The following MYO6 variants were observed in gnomAD, a reference collection of about 807,000 sequenced individuals.
MYO6 encodes myosin VI, also known as unconventional myosin-VI.
MYO6 carries 74 observed loss-of-function variants against 178.7 expected under a neutral mutation model. That is an observed-to-expected ratio of 0.41 (90% CI 0.34 to 0.50). MYO6 has a LOEUF of 0.50. Ranked by LOEUF, MYO6 falls within the 20% of genes least tolerant of loss-of-function variation. The pLI is 0.09. For missense variants in MYO6, 1,330 were observed against 1,547.4 expected (o/e 0.86, Z 2.36); for synonymous variants, 477 against 504.6 (o/e 0.95, Z 0.73).
intron 16 of MYO6, among the ~76,000 whole-genome samples, chr6:75,865,713 C>T (rs2149308333): frequency 7.1e-6 from 1 of 141,618 alleles, no homozygotes; most frequent in South Asian, 2.3e-4. Context: ...CAGATGTGAT[C>T]TTGTAAGTGA....
intron 1 of MYO6, among the ~76,000 whole-genome samples, chr6:75,810,077 C>CTTT (rs1770540610): frequency 1.6e-5 from 2 of 121,338 alleles, no homozygotes; most frequent in Admixed American, 8.3e-5. Flanking sequence ...AAGTGAGACT[C>CTTT]TGTCTCAAAA....
intron 1 of MYO6, among the ~76,000 whole-genome samples, chr6:75,787,703 TCTCTC>T (rs1767742325): frequency 1.4e-5 from 1 of 69,922 alleles, no homozygotes; most frequent in Non-Finnish European, 3.0e-5. Context: ...TCTCTCTCTC[TCTCTC>T]TCTCTCTCTC....
chr6:75,859,714 C>A (rs1776034591), intron 14 of MYO6, among the ~76,000 whole-genome samples: 1 of 146,006 alleles, frequency 6.8e-6, no homozygotes, highest in Non-Finnish European at 1.5e-5. Context: ...GGCTGGAATG[C>A]AGTGGCGCGA....
At chr6:75,828,383 A>G (rs1461266967) in intron 3 of MYO6, among the ~76,000 whole-genome samples, 157 bp from the exon 4 acceptor site, 2 of 152,172 alleles carry the variant, frequency 1.3e-5, no homozygotes. Flanking sequence ...ATCAGCTTCT[A>G]GGGTTTACAT....
chr6:75,860,291 A>G (rs891378786), intron 14 of MYO6, among the ~76,000 whole-genome samples: 1 of 152,224 alleles, frequency 6.6e-6, no homozygotes, highest in African/African-American at 2.4e-5. Flanking sequence ...ATTCTGGCAT[A>G]AACAAACAGG....
At chr6:75,806,457 A>G (rs1013367324) in intron 1 of MYO6, among the ~76,000 whole-genome samples, 6 of 152,022 alleles carry the variant, frequency 3.9e-5, no homozygotes, top group African/African-American at 1.5e-4. Flanking sequence ...GAAGTACATC[A>G]TTATCACATA....
rs569781019 is a variant in MYO6, at chr6:75,857,498, T to A, written c.1381+244T>A. The stretch of plus-strand genomic sequence containing the variant: ...AAATTAAAACATTGATTGAAACTGC[T>A]AGAGTTAAGGATATCTCTATACTCT... On this transcript the variant is annotated intron_variant, in intron 13 of 34. Transcript: ENST00000369977. Among the ~76,000 whole-genome samples, 4 of 152,356 alleles carry A rather than the reference T, an allele frequency of 2.6e-5. No homozygotes were observed. The East Asian group carries it at 7.7e-4, about 29-fold the overall frequency.
intron 9 of MYO6, 91 bp downstream of exon 9, chr6:75,841,469 G>A: frequency 7.8e-7 from 1 of 1,283,438 alleles, no homozygotes. Flanking sequence ...CGGATGGATT[G>A]CTTGAGCCTG....
chr6:75,850,933 A>G (rs1398060051), intron 11 of MYO6, among the ~76,000 whole-genome samples: 1 of 152,192 alleles, frequency 6.6e-6, no homozygotes, highest in Non-Finnish European at 1.5e-5. Context: ...ATATGTTCTT[A>G]ATGTGCATTA....
At chr6:75,786,201 C>T (rs754782016) in intron 1 of MYO6, among the ~76,000 whole-genome samples, 1 of 152,126 alleles carries the variant, frequency 6.6e-6, no homozygotes, top group Non-Finnish European at 1.5e-5. Flanking sequence ...GCTGGGATTA[C>T]AAGTGTGAAC....
rs2295937 is a variant in MYO6, at chr6:75,887,014, A to C, written c.2658+20A>C. On this transcript the variant is annotated intron_variant, in intron 25 of 34. Transcript: ENST00000369977. ...ATTAAGGTATGTAATTTCAACCCGA[A>C]TGACTTTGACTTTTTATGTAATTTA... 16,382 of 1,600,182 alleles carry C rather than the reference A, an allele frequency of 0.01. 757 individuals are homozygous for C. In the East Asian group the frequency reaches 0.15, roughly 15 times the overall value.
At chr6:75,835,876 A>C in intron 6 of MYO6, 25 bp from the exon 7 acceptor site, 1 of 1,419,324 alleles carries the variant, frequency 7.0e-7, no homozygotes, top group Non-Finnish European at 1.0e-6. Flanking sequence ...TGTCATCAAC[A>C]TTTTTTATCC....
intron 2 of MYO6, 75 bp from the exon 3 acceptor site, chr6:75,822,707 C>A: frequency 8.9e-7 from 1 of 1,128,442 alleles, no homozygotes; most frequent in Non-Finnish European, 1.4e-6. Flanking sequence ...ACAGTGTATG[C>A]AACCAATTAA....
At chr6:75,756,878 ATGTGTGT>A (rs750061792) in intron 1 of MYO6, among the ~76,000 whole-genome samples, 34 of 117,912 alleles carry the variant, frequency 2.9e-4, no homozygotes, top group Non-Finnish European at 5.8e-4. Flanking sequence ...AAGAGTACTT[ATGTGTGT>A]TGTGTGTGTA....
intron 1 of MYO6, among the ~76,000 whole-genome samples, chr6:75,802,661 T>A (rs982976449): frequency 2.6e-5 from 4 of 151,814 alleles, no homozygotes; most frequent in African/African-American, 9.7e-5. Flanking sequence ...AGTTTTTGTA[T>A]TTTTTGTAGA....
intron 1 of MYO6, among the ~76,000 whole-genome samples, chr6:75,800,764 A>G (rs1168428622): frequency 1.3e-5 from 2 of 152,180 alleles, no homozygotes; most frequent in African/African-American, 4.8e-5. Flanking sequence ...TCCATTACCC[A>G]GGCTGGAGTG....
At chr6:75,841,179 G>A in intron 8 of MYO6, 35 bp from the exon 9 acceptor site, 11 of 1,590,142 alleles carry the variant, frequency 6.9e-6, no homozygotes, top group Non-Finnish European at 9.5e-6. Flanking sequence ...GACTTTAAAT[G>A]CAAAAATATA....
intron 1 of MYO6, among the ~76,000 whole-genome samples, chr6:75,782,361 A>G (rs980289147): frequency 6.6e-6 from 1 of 151,960 alleles, no homozygotes; most frequent in Non-Finnish European, 1.5e-5. Flanking sequence ...TCTTACCCTT[A>G]TTATATTCAA....
intron 23 of MYO6, among the ~76,000 whole-genome samples, chr6:75,883,487 C>G (rs12664049): frequency 0.24 from 36,764 of 151,872 alleles, 5,582 homozygotes; most frequent in Middle Eastern, 0.39. Context: ...TTCTGTGATT[C>G]CTCTGATTGG....
Sources: gnomAD v4.1 joint callset for allele counts (sites outside exome capture counted in the v4.1 genomes callset) on GRCh38, gnomAD v4.1.1 for gene constraint, MANE v1.5 for transcripts, NCBI Gene and HGNC (gene_info 2026-07-23, HGNC 2026-07-21) for gene names.